Variants in DOCK5 observed in about 807,000 individuals in gnomAD.
The protein encoded by DOCK5 is dedicator of cytokinesis 5.
A neutral mutation model predicts 251.8 loss-of-function variants in DOCK5; 142 were observed. The ratio of observed to expected loss-of-function variants is 0.56; its 90% CI spans 0.49 to 0.65. The LOEUF (loss-of-function observed/expected upper bound fraction) is 0.65, where lower values mean the gene tolerates loss of function less well. Among genes scored for constraint, DOCK5 ranks in the 30% least tolerant of loss-of-function variants. The probability of loss-of-function intolerance (pLI) is 0.00; values close to 1 mark genes in which losing one functional copy is unlikely to be tolerated. For synonymous variants in DOCK5, 842 were observed against 835.5 expected (o/e 1.01, Z -0.13); for missense variants, 2,111 against 2,312.3 (o/e 0.91, Z 1.79).
At chr8:25,321,653 C>T (rs1435802972) in intron 16 of DOCK5, among the ~76,000 whole-genome samples, 8 of 152,040 alleles carry the variant, frequency 5.3e-5, no homozygotes, top group Admixed American at 3.3e-4. Context: ...GGTGATAATG[C>T]GAGCAGTGGG....
In DOCK5 at chr8:25,282,964, G is replaced by A. The variant is rs560848307; in HGVS notation, c.321+4299G>A. On this transcript the variant is annotated intron_variant, in intron 5 of 51. Coordinates refer to ENST00000276440, the MANE Select transcript of DOCK5 (RefSeq NM_024940.8). ...TTTTCAGTCTCAGTTCACCAGAAAT[G>A]TACGTTGTGGATCCACAGTCTCATA... Among the ~76,000 whole-genome samples the A allele has an allele frequency of 2.2e-3, 322 of 146,292 alleles. 1 individual carries two copies. The highest frequency in any genetic ancestry group is 3.9e-3 in the Non-Finnish European group (260 of 66,858).
At chr8:25,379,716 T>C (rs1239452521) in intron 38 of DOCK5, among the ~76,000 whole-genome samples, 9 of 152,182 alleles carry the variant, frequency 5.9e-5, no homozygotes, top group Non-Finnish European at 2.9e-5. Context: ...TAAATGTCCA[T>C]GAAATCTTCA....
rs73558493 is a variant in DOCK5, at chr8:25,263,869, G to A, written c.128-4976G>A. Among the ~76,000 whole-genome samples, 1,401 of 151,890 alleles carry A rather than the reference G, an allele frequency of 9.2e-3. 63 individuals carry two copies. Among genetic ancestry groups the A allele is most frequent in the African/African-American group, 0.032 (1,334 of 41,220 alleles). On this transcript the variant is annotated intron_variant, in intron 2 of 51. Transcript: ENST00000276440. The stretch of plus-strand genomic sequence containing the variant: ...CAGTACTCAGCTGCCCAGGAGGGAC[G>A]GCAGAAGGGGCAGGATCCATCTCCT...
intron 26 of DOCK5, among the ~76,000 whole-genome samples, chr8:25,350,066 C>T (rs891305931): frequency 6.6e-6 from 1 of 152,010 alleles, no homozygotes; most frequent in South Asian, 2.1e-4. Context: ...TAGAAAGTGT[C>T]GGTTATAGGA....
At chr8:25,410,935 G>GAGAGAGAGAA (rs1389202112) in intron 51 of DOCK5, among the ~76,000 whole-genome samples, 4 of 105,342 alleles carry the variant, frequency 3.8e-5, no homozygotes, top group South Asian at 6.5e-4. Flanking sequence ...GAGAGAGAGA[G>GAGAGAGAGAA]AAAATGTGTG....
At chr8:25,376,049 A>T in intron 37 of DOCK5, 1 of 955,240 alleles carries the variant, frequency 1.0e-6, no homozygotes, top group Non-Finnish European at 1.2e-6. Context: ...CAGTATGCTG[A>T]GATGGTGCCA....
intron 1 of DOCK5, among the ~76,000 whole-genome samples, chr8:25,229,469 A>G (rs1299873547): frequency 6.9e-6 from 1 of 144,576 alleles, no homozygotes; most frequent in Non-Finnish European, 1.6e-5. Flanking sequence ...CGACAAAGCT[A>G]GACTCTGTAT....
Position 25,400,985 on chromosome 8 carries a change from G to A in DOCK5, c.4845G>A (p.Leu1615=), listed in dbSNP as rs970434919. Reference sequence around the variant, plus strand: ...ATGGGGAGAAACTCACAGAGCAGCTGAAGCCGCTGCATGAGCGGTTGTCTT... The same window carrying A: ...ATGGGGAGAAACTCACAGAGCAGCTAAAGCCGCTGCATGAGCGGTTGTCTT... ...RIHGEKLTEQ[L]KPLHERLSSC... Residue 1615 remains leucine (L), a synonymous_variant, in exon 47 of 52, where the codon CTG becomes CTA. Coordinates refer to ENST00000276440, the MANE Select transcript of DOCK5 (RefSeq NM_024940.8). 2 of 1,614,038 alleles carry A rather than the reference G, an allele frequency of 1.2e-6. No individual in the cohort carries two copies. Among genetic ancestry groups the A allele is most frequent in the African/African-American group, 1.3e-5 (1 of 75,062 alleles).
At chr8:25,392,594 T>C (rs1316812113) in intron 43 of DOCK5, among the ~76,000 whole-genome samples, 3 of 152,212 alleles carry the variant, frequency 2.0e-5, no homozygotes, top group Non-Finnish European at 2.9e-5. Context: ...AAGTCCCAAG[T>C]AGACGATCCC....
chr8:25,273,092 C>T (rs201815444), intron 3 of DOCK5, among the ~76,000 whole-genome samples: 14 of 139,308 alleles, frequency 1.0e-4, no homozygotes, highest in South Asian at 2.2e-4. Flanking sequence ...AGTGGCACAG[C>T]GGCACAGCAG....
intron 2 of DOCK5, among the ~76,000 whole-genome samples, chr8:25,266,604 A>G (rs1404532755): frequency 6.6e-6 from 1 of 152,042 alleles, no homozygotes; most frequent in South Asian, 2.1e-4. Context: ...CAACCCAGGT[A>G]TGTAATGTGG....
intron 1 of DOCK5, among the ~76,000 whole-genome samples, chr8:25,238,080 C>A (rs1472149345): frequency 6.6e-6 from 1 of 152,164 alleles, no homozygotes; most frequent in Non-Finnish European, 1.5e-5. Flanking sequence ...CTTGAAATAG[C>A]ATCAGACTAG....
intron 25 of DOCK5, among the ~76,000 whole-genome samples, chr8:25,344,649 A>G (rs997757865): frequency 6.6e-6 from 1 of 152,218 alleles, no homozygotes; most frequent in South Asian, 2.1e-4. Context: ...TGAAATTGCA[A>G]ATGTTCCTAA....
At chr8:25,378,609 C>T (rs1351999139) in intron 38 of DOCK5, among the ~76,000 whole-genome samples, 5 of 152,144 alleles carry the variant, frequency 3.3e-5, no homozygotes, top group Non-Finnish European at 7.3e-5. Context: ...GTCTAAGAGA[C>T]AGCTCATGAA....
At chr8:25,386,375 G>A (rs965060617) in intron 40 of DOCK5, among the ~76,000 whole-genome samples, 1 of 152,174 alleles carries the variant, frequency 6.6e-6, no homozygotes, top group Non-Finnish European at 1.5e-5. Flanking sequence ...GAGCCCAGGA[G>A]TTTGAGACCA....
intron 2 of DOCK5, among the ~76,000 whole-genome samples, chr8:25,245,130 C>T (rs1375629698): frequency 6.6e-6 from 1 of 152,196 alleles, no homozygotes; most frequent in African/African-American, 2.4e-5. Context: ...GATCTCAGCT[C>T]ACTGCAAGCT....
chr8:25,218,553 C>T (rs1172988112), intron 1 of DOCK5, among the ~76,000 whole-genome samples: 1 of 152,166 alleles, frequency 6.6e-6, no homozygotes, highest in Non-Finnish European at 1.5e-5. Flanking sequence ...AGGAGATGTT[C>T]CTAGTCCCTG....
chr8:25,337,821 G>A (rs1005881863), intron 22 of DOCK5, among the ~76,000 whole-genome samples: 17 of 151,854 alleles, frequency 1.1e-4, no homozygotes, highest in African/African-American at 2.7e-4. Context: ...TCCTGACCTC[G>A]TGATCCCCCC....
rs118052685 is a variant in DOCK5, at chr8:25,299,991, C to T, written c.765-585C>T. On this transcript the variant is annotated intron_variant, in intron 8 of 51. Transcript: ENST00000276440. ...GAGTTTAGCTCTTGTCGTACAGGCC[C>T]GCATCCTGGGTCCAAGCGATTCTCC... is the stretch of plus-strand genomic sequence containing the variant. Among the ~76,000 whole-genome samples, 23 of 152,100 alleles carry T rather than the reference C, an allele frequency of 1.5e-4. No homozygotes were observed. In the East Asian group the frequency reaches 3.9e-3, roughly 26 times the overall value.
Sources: gnomAD v4.1 joint callset for allele counts (sites outside exome capture counted in the v4.1 genomes callset) on GRCh38, gnomAD v4.1.1 for gene constraint, MANE v1.5 for transcripts, NCBI Gene and HGNC (gene_info 2026-07-23, HGNC 2026-07-21) for gene names.